Variants in CARMIL1 observed in about 807,000 individuals in gnomAD.
CARMIL1 encodes the protein F-actin-uncapping protein LRRC16A.
In CARMIL1, 90 loss-of-function variants were observed where a neutral mutation model predicts 177.1. The ratio of observed to expected loss-of-function variants is 0.51; its 90% CI spans 0.43 to 0.61. The LOEUF is 0.61. Ranked by LOEUF, CARMIL1 falls within the 20% of genes least tolerant of loss-of-function variation. The probability of loss-of-function intolerance (pLI) is 0.00; values close to 1 mark genes in which losing one functional copy is unlikely to be tolerated. For synonymous variants in CARMIL1, 577 were observed against 606.2 expected (o/e 0.95, Z 0.71); for missense variants, 1,380 against 1,667.0 (o/e 0.83, Z 3.00).
At chr6:25,452,400 C>T (rs972253555) in intron 8 of CARMIL1, 23 of 593,582 alleles carry the variant, frequency 3.9e-5, no homozygotes, top group Admixed American at 2.1e-4. Context: ...GAAAATTGCA[C>T]GTGGAATAAG....
At chr6:25,337,684 T>C (rs1378296452) in intron 2 of CARMIL1, among the ~76,000 whole-genome samples, 1 of 152,204 alleles carries the variant, frequency 6.6e-6, no homozygotes, top group Admixed American at 6.5e-5. Context: ...GTGGAGTGAA[T>C]GAGGCCAGCC....
intron 11 of CARMIL1, among the ~76,000 whole-genome samples, chr6:25,478,004 C>T (rs1374075518): frequency 1.3e-5 from 2 of 151,846 alleles, no homozygotes; most frequent in Admixed American, 1.3e-4. Context: ...TGCAGGTGTG[C>T]ACTACCACAC....
chr6:25,441,716 C>T (rs1797800131), intron 5 of CARMIL1, among the ~76,000 whole-genome samples: 1 of 152,138 alleles, frequency 6.6e-6, no homozygotes, highest in Non-Finnish European at 1.5e-5. Flanking sequence ...GGAGGCCTCA[C>T]CTCTCAGACA....
chr6:25,447,379 A>G (rs1382871191), intron 5 of CARMIL1, among the ~76,000 whole-genome samples: 1 of 152,232 alleles, frequency 6.6e-6, no homozygotes, highest in Non-Finnish European at 1.5e-5. Context: ...AGGCCCTAGC[A>G]TATTTTATCT....
At chr6:25,539,431 C>T (rs955589659) in intron 25 of CARMIL1, among the ~76,000 whole-genome samples, 12 of 151,874 alleles carry the variant, frequency 7.9e-5, no homozygotes, top group African/African-American at 1.5e-4. Flanking sequence ...TGAGTAAAAG[C>T]AGCTCAACTT....
In CARMIL1 at chr6:25,326,547, G is replaced by A. The variant is rs1047947883; in HGVS notation, c.138+41638G>A. Among the ~76,000 whole-genome samples, 1 of 152,206 alleles carries A rather than the reference G, an allele frequency of 6.6e-6. No individual in the cohort carries two copies. Among genetic ancestry groups the A allele is most frequent in the Non-Finnish European group, 1.5e-5 (1 of 68,034 alleles). On this transcript the variant is annotated intron_variant, in intron 2 of 36. Coordinates refer to ENST00000329474, the MANE Select transcript of CARMIL1 (RefSeq NM_017640.6). This position sits in a 1 kb window ranked among gnomAD's most constrained non-coding sequence, Gnocchi z 4.2. Reference sequence around the variant, plus strand: ...TTCTCAATGTGTGGTCTCAGGATCAGCCCTATCAGAATGACCTGGAAACCT... The same window carrying A: ...TTCTCAATGTGTGGTCTCAGGATCAACCCTATCAGAATGACCTGGAAACCT...
chr6:25,581,052 T>C (rs1197736212), intron 30 of CARMIL1, 62 bp downstream of exon 30: 27 of 1,494,520 alleles, frequency 1.8e-5, no homozygotes, highest in Non-Finnish European at 2.5e-5. Flanking sequence ...AGCAAGACCT[T>C]AGACCATTTT....
chr6:25,457,580 A>C (rs1308854839), intron 8 of CARMIL1, among the ~76,000 whole-genome samples: 1 of 152,246 alleles, frequency 6.6e-6, no homozygotes, highest in Non-Finnish European at 1.5e-5. Flanking sequence ...AGTAGATGGA[A>C]TGGAGAAAAG....
chr6:25,411,433 T>G (rs1316413150), intron 2 of CARMIL1, among the ~76,000 whole-genome samples: 2 of 152,232 alleles, frequency 1.3e-5, no homozygotes, highest in Non-Finnish European at 2.9e-5. Flanking sequence ...GACCTATCAT[T>G]ACTCTGACTT....
intron 36 of CARMIL1, 24 bp from the exon 37 acceptor site, chr6:25,619,423 G>A (rs759462194): frequency 6.8e-6 from 11 of 1,606,722 alleles, no homozygotes; most frequent in Non-Finnish European, 8.5e-6. Context: ...TCAGTAAACT[G>A]TGCGACTTCC....
intron 23 of CARMIL1, among the ~76,000 whole-genome samples, chr6:25,521,916 C>T (rs1806608734): frequency 6.6e-6 from 1 of 152,152 alleles, no homozygotes; most frequent in Admixed American, 6.5e-5. Context: ...TTTGCCTTGC[C>T]AGCTGGCCCT....
At chr6:25,322,323 A>G (rs953366433) in intron 2 of CARMIL1, among the ~76,000 whole-genome samples, 2 of 151,180 alleles carry the variant, frequency 1.3e-5, no homozygotes, top group Admixed American at 1.3e-4. Context: ...GGGTTTCGCC[A>G]TGTTGGCCAG....
Position 25,597,713 on chromosome 6 carries a change from G to C in CARMIL1, c.3120-2601G>C, listed in dbSNP as rs113836103. 3.2e-3 allele frequency among the ~76,000 whole-genome samples: 482 copies of C among 152,122 alleles called. 3 individuals carry two copies. The highest frequency in any genetic ancestry group is 0.01 in the African/African-American group (427 of 41,492). On this transcript the variant is annotated intron_variant, in intron 32 of 36. Transcript: ENST00000329474. ...GGGGGATTCCCTTCACCTCGTCTCT[G>C]TGTCATTTTTCTGTTTCCATTGGCC...
intron 20 of CARMIL1, among the ~76,000 whole-genome samples, chr6:25,512,564 T>C (rs1805560496): frequency 6.6e-6 from 1 of 152,256 alleles, no homozygotes. Context: ...TTTTTTGTTT[T>C]ATTTATTTAC....
intron 11 of CARMIL1, among the ~76,000 whole-genome samples, chr6:25,477,046 G>A (rs1801634516): frequency 6.8e-6 from 1 of 146,892 alleles, no homozygotes. Flanking sequence ...CCGAGATTGT[G>A]TCACTGCACT....
chr6:25,473,699 G>A (rs1057036858), intron 11 of CARMIL1, among the ~76,000 whole-genome samples: 8 of 152,148 alleles, frequency 5.3e-5, no homozygotes, highest in Admixed American at 3.3e-4. Flanking sequence ...TTGTTCAAGA[G>A]TCAACAGTAT....
chr6:25,610,228 G>A (rs1243894702), intron 36 of CARMIL1, 47 bp downstream of exon 36: 1 of 1,559,634 alleles, frequency 6.4e-7, no homozygotes, highest in East Asian at 2.3e-5. Flanking sequence ...TCTCCCCAAG[G>A]AGGGACATTT....
chr6:25,576,701 A>G (rs1812619198), intron 29 of CARMIL1, among the ~76,000 whole-genome samples: 1 of 152,198 alleles, frequency 6.6e-6, no homozygotes, highest in African/African-American at 2.4e-5. Context: ...GTACACACCT[A>G]GCAAGAGACA....
intron 2 of CARMIL1, among the ~76,000 whole-genome samples, chr6:25,409,439 G>T (rs1794709402): frequency 1.3e-5 from 2 of 152,142 alleles, no homozygotes; most frequent in African/African-American, 4.8e-5. Context: ...GATACAGATT[G>T]TCTCCAATTT....
Sources: allele counts gnomAD v4.1 joint callset (sites outside exome capture counted in the v4.1 genomes callset), GRCh38; gene constraint gnomAD v4.1.1; non-coding constraint Gnocchi (gnomAD v3.1); transcripts MANE v1.5; gene names NCBI Gene and HGNC (gene_info 2026-07-23, HGNC 2026-07-21).